The following DAB1 variants were observed in gnomAD, a reference collection of about 807,000 sequenced individuals.
DAB1 encodes the protein disabled homolog 1.
A neutral mutation model predicts 64.6 loss-of-function variants in DAB1; 15 were observed. The observed-to-expected ratio is 0.23, with a 90% CI of 0.16 to 0.36. The LOEUF is 0.36. Ranked by LOEUF, DAB1 falls within the 10% of genes least tolerant of loss-of-function variation. DAB1 has a pLI of 1.00. For missense variants in DAB1, 596 were observed against 706.7 expected (o/e 0.84, Z 1.78); for synonymous variants, 235 against 251.9 (o/e 0.93, Z 0.64).
chr1:58,295,175 C>T (rs757624496), intron 4 of DAB1, among the ~76,000 whole-genome samples: 7 of 152,018 alleles, frequency 4.6e-5, no homozygotes, highest in African/African-American at 7.2e-5. Flanking sequence ...ATGTGAGCCA[C>T]TTGAGGGCAA....
chr1:57,343,542 G>C (rs1009997371), intron 1 of DAB1, among the ~76,000 whole-genome samples: 1 of 152,242 alleles, frequency 6.6e-6, no homozygotes, highest in Non-Finnish European at 1.5e-5. Context: ...AAGAGCCCAC[G>C]GAGGTCGGGG....
At chr1:58,110,792 A>G (rs1161040581) in intron 5 of DAB1, among the ~76,000 whole-genome samples, 1 of 152,194 alleles carries the variant, frequency 6.6e-6, no homozygotes, top group African/African-American at 2.4e-5. Flanking sequence ...GTTTTTGCTG[A>G]GTCTAGACTT....
chr1:57,983,653 C>A (rs1234544612), intron 5 of DAB1, among the ~76,000 whole-genome samples: 1 of 152,178 alleles, frequency 6.6e-6, no homozygotes, highest in South Asian at 2.1e-4. Context: ...CGCCGCTATT[C>A]CTGCAGCAGG....
intron 1 of DAB1, among the ~76,000 whole-genome samples, chr1:57,365,667 C>G (rs188518530): frequency 6.6e-6 from 1 of 151,920 alleles, no homozygotes; most frequent in Non-Finnish European, 1.5e-5. Context: ...TGAGGTCTCT[C>G]GGACCACAAA....
chr1:58,527,368 A>G, intron 1 of DAB1: 1 of 862,582 alleles, frequency 1.2e-6, no homozygotes, highest in South Asian at 1.3e-5. Flanking sequence ...CTCCATTAAG[A>G]CAATTTATTT....
downstream of DAB1, among the ~76,000 whole-genome samples, chr1:57,825,775 A>G (rs1157591044): frequency 1.3e-5 from 2 of 152,208 alleles, no homozygotes; most frequent in Admixed American, 6.5e-5. Context: ...TAGTAAAGGT[A>G]TAATTGTCCT....
At chr1:57,570,859 G>T (rs927758216) in intron 7 of DAB1, among the ~76,000 whole-genome samples, 4 of 152,106 alleles carry the variant, frequency 2.6e-5, no homozygotes, top group African/African-American at 9.7e-5. Context: ...TGTTTGTGTT[G>T]TCTATGATTT....
At chr1:57,582,570 G>A (rs1484737419) in intron 7 of DAB1, among the ~76,000 whole-genome samples, 3 of 152,204 alleles carry the variant, frequency 2.0e-5, no homozygotes, top group African/African-American at 4.8e-5. Context: ...GGGAACAGGA[G>A]GATACACAAA....
At chr1:57,850,557 G>A (rs943027981) in intron 1 of DAB1, among the ~76,000 whole-genome samples, 1 of 152,074 alleles carries the variant, frequency 6.6e-6, no homozygotes, top group African/African-American at 2.4e-5. Flanking sequence ...ACCTCATAGG[G>A]GAAATCCTTT....
chr1:57,714,386 T>C (rs926472429), intron 6 of DAB1, among the ~76,000 whole-genome samples: 2 of 152,176 alleles, frequency 1.3e-5, no homozygotes, highest in Admixed American at 1.3e-4. Flanking sequence ...TCTCTTGAAC[T>C]AAAAGATAAT....
intron 2 of DAB1, among the ~76,000 whole-genome samples, chr1:57,175,229 A>C (rs531294383): frequency 6.6e-6 from 1 of 152,258 alleles, no homozygotes; most frequent in East Asian, 1.9e-4. Context: ...TGATAAAAAG[A>C]TCTATAACTG....
chr1:58,309,238 A>T (rs1486132648), intron 4 of DAB1, among the ~76,000 whole-genome samples: 1 of 152,178 alleles, frequency 6.6e-6, no homozygotes, highest in Non-Finnish European at 1.5e-5. Flanking sequence ...CTAAGCTAGG[A>T]TGAGATGCTG....
rs149137470 is a variant in DAB1, at chr1:58,336,689, G to T, written n.309+6663C>A. On this transcript the variant is annotated intron_variant and non_coding_transcript_variant, in intron 4 of 20. Transcript: ENST00000485760. ...TCAGAAAATGGTTTAACTGGATGAA[G>T]TATTCTTTTTTTTATATTTAGGATA... Among the ~76,000 whole-genome samples the T allele has an allele frequency of 3.0e-3, 453 of 152,154 alleles. 3 individuals carry two copies. Among genetic ancestry groups the T allele is most frequent in the African/African-American group, 0.01 (421 of 41,532 alleles).
At chr1:58,226,327 C>T (rs566307638) in intron 4 of DAB1, among the ~76,000 whole-genome samples, 1 of 151,698 alleles carries the variant, frequency 6.6e-6, no homozygotes, top group African/African-American at 2.4e-5. Flanking sequence ...AAAGTGCTTT[C>T]GCATGTTATG....
chr1:57,909,869 G>A (rs1357957609), intron 5 of DAB1, among the ~76,000 whole-genome samples: 2 of 152,124 alleles, frequency 1.3e-5, no homozygotes, highest in Non-Finnish European at 2.9e-5. Flanking sequence ...CTGAAGGTCC[G>A]GGTCATTTCA....
chr1:58,518,354 G>GAAGAGAAGAGAAGAGAAGA lies in DAB1; in HGVS notation n.107+8906_107+8907insTCTTCTCTTCTCTTCTCTT, dbSNP rs1428140129. On this transcript the variant is annotated intron_variant and non_coding_transcript_variant, in intron 2 of 20. Transcript: ENST00000485760. ...AGAAGAGAAGAGAAGAGAAGAGAAG[G>GAAGAGAAGAGAAGAGAAGA]GAAGGGAAGAGAAGAGAAGGGAAGA... Among the ~76,000 whole-genome samples, 14 of 32,490 alleles carry GAAGAGAAGAGAAGAGAAGA rather than the reference G, an allele frequency of 4.3e-4. 1 individual carries two copies. The highest frequency in any genetic ancestry group is 7.1e-4 in the Non-Finnish European group (9 of 12,740). The allele number at this position is 32,490 out of a possible 152,430, so 21.3% of individuals were successfully genotyped here.
At chr1:57,891,221 A>G (rs1188008861) in intron 5 of DAB1, among the ~76,000 whole-genome samples, 1 of 152,264 alleles carries the variant, frequency 6.6e-6, no homozygotes, top group East Asian at 1.9e-4. Flanking sequence ...GACACTTCTC[A>G]AAAGAAGACA....
At chr1:57,150,995 A>C (rs914955483) in intron 2 of DAB1, among the ~76,000 whole-genome samples, 8 of 152,142 alleles carry the variant, frequency 5.3e-5, no homozygotes, top group Non-Finnish European at 8.8e-5. Context: ...GTCTCAAAAG[A>C]AATTTAAAAA....
intron 5 of DAB1, among the ~76,000 whole-genome samples, chr1:58,069,212 T>C (rs532957619): frequency 1.3e-5 from 2 of 152,340 alleles, no homozygotes; most frequent in East Asian, 3.9e-4. Flanking sequence ...CATGCGTTTG[T>C]TGAGCACTTA....
Sources: gnomAD v4.1 joint callset for allele counts (sites outside exome capture counted in the v4.1 genomes callset) on GRCh38, gnomAD v4.1.1 for gene constraint, MANE v1.5 for transcripts, NCBI Gene and HGNC (gene_info 2026-07-23, HGNC 2026-07-21) for gene names.